The following PPARGC1A variants were observed in gnomAD, a reference collection of about 807,000 sequenced individuals.
The protein encoded by PPARGC1A is PPARG coactivator 1 alpha, also known as peroxisome proliferator-activated receptor gamma coactivator 1-alpha.
PPARGC1A carries 25 observed loss-of-function variants against 88.7 expected under a neutral mutation model. The ratio of observed to expected loss-of-function variants is 0.28; its 90% CI spans 0.21 to 0.39. The LOEUF (loss-of-function observed/expected upper bound fraction) is 0.39. PPARGC1A is among the 10% of genes least tolerant of loss of function. PPARGC1A has a pLI of 1.00. For synonymous variants in PPARGC1A, 363 were observed against 355.6 expected, an observed-to-expected ratio of 1.02 and a Z score of -0.24; for missense variants, 880 against 968.7, an observed-to-expected ratio of 0.91 and a Z score of 1.22.
chr4:23,940,173 A>T, the PPARGC1A span, among the ~76,000 whole-genome samples: 39 of 152,326 alleles, frequency 2.6e-4, no homozygotes, highest in Admixed American at 9.8e-4. Flanking sequence ...TTTATCAAAC[A>T]TGTATTAAGT....
chr4:24,072,758 A>G, the PPARGC1A span, among the ~76,000 whole-genome samples: 27 of 152,210 alleles, frequency 1.8e-4, no homozygotes, highest in Non-Finnish European at 4.4e-5. Context: ...ACAGAGCTTT[A>G]ATGGAAATAC....
chr4:23,925,915 T>C, the PPARGC1A span, among the ~76,000 whole-genome samples: 1 of 152,116 alleles, frequency 6.6e-6, no homozygotes, highest in East Asian at 1.9e-4. Flanking sequence ...ATTTCAAACT[T>C]ATAATGTTAC....
At chr4:24,175,538 CT>C in the PPARGC1A span, among the ~76,000 whole-genome samples, 635 of 84,872 alleles carry the variant, frequency 7.5e-3, 1 homozygote, top group South Asian at 0.023. Flanking sequence ...CCACACCAAG[CT>C]TTTTTTTTTT....
Position 23,831,666 on chromosome 4 carries a change from G to A in PPARGC1A, c.320C>T (p.Pro107Leu), listed in dbSNP as rs773848879. ...DSLPVDEDGL[P>L]SFDALTDGDV... Reference sequence around the variant, plus strand: ...TCCATCTGTCAGCGCATCAAATGAGGGCAATCCGTCTTCATCCACAGGGAG... The same window carrying A: ...TCCATCTGTCAGCGCATCAAATGAGAGCAATCCGTCTTCATCCACAGGGAG... The change falls in exon 3 of 13, where the codon CCC becomes CTC. Residue 107 changes from proline (P) to leucine (L), a missense_variant. Coordinates refer to ENST00000264867, the MANE Select transcript of PPARGC1A (RefSeq NM_013261.5). 1.2e-6 allele frequency: 2 copies of A among 1,613,946 alleles called. No individual in the cohort carries two copies. The highest frequency in any genetic ancestry group is 1.7e-5 in the Admixed American group (1 of 60,006).
chr4:23,903,681 T>C (rs551296467), upstream of PPARGC1A, among the ~76,000 whole-genome samples: 2 of 152,196 alleles, frequency 1.3e-5, no homozygotes, highest in East Asian at 3.9e-4. Context: ...TAAAAATCTT[T>C]AAAAATAAAA....
At chr4:24,191,666 A>G in the PPARGC1A span, among the ~76,000 whole-genome samples, 2 of 152,298 alleles carry the variant, frequency 1.3e-5, no homozygotes, top group South Asian at 4.1e-4. Flanking sequence ...AAAAAAAGAA[A>G]AAAAAGAAGG....
At chr4:24,133,432 C>A in the PPARGC1A span, among the ~76,000 whole-genome samples, 1 of 152,284 alleles carries the variant, frequency 6.6e-6, no homozygotes, top group South Asian at 2.1e-4. Flanking sequence ...CAGAAATAAA[C>A]GTTATTTGCA....
At chr4:24,105,684 G>T in the PPARGC1A span, among the ~76,000 whole-genome samples, 1 of 152,154 alleles carries the variant, frequency 6.6e-6, no homozygotes, top group Non-Finnish European at 1.5e-5. Flanking sequence ...CCTAAGAAAG[G>T]GTTGAGTGGT....
chr4:24,179,841 G>A, the PPARGC1A span, among the ~76,000 whole-genome samples: 1 of 152,138 alleles, frequency 6.6e-6, no homozygotes, highest in Non-Finnish European at 1.5e-5. Flanking sequence ...AGAAAAACAA[G>A]AATTATTTTA....
chr4:24,387,192 A>C, the PPARGC1A span, among the ~76,000 whole-genome samples: 1 of 152,242 alleles, frequency 6.6e-6, no homozygotes, highest in South Asian at 2.1e-4. Context: ...AGCCATATGC[A>C]GAAAACTGAA....
At chr4:24,468,502 T>C in the PPARGC1A span, among the ~76,000 whole-genome samples, 3 of 152,086 alleles carry the variant, frequency 2.0e-5, no homozygotes, top group Admixed American at 2.0e-4. Context: ...TGCAACATGG[T>C]CCTCTCAGAT....
the PPARGC1A span, among the ~76,000 whole-genome samples, chr4:24,421,379 C>T: frequency 6.7e-6 from 1 of 149,298 alleles, no homozygotes. Flanking sequence ...GGCGCGATTT[C>T]AGCTCACTGC....
the PPARGC1A span, among the ~76,000 whole-genome samples, chr4:24,020,072 T>A: frequency 6.6e-6 from 1 of 152,102 alleles, no homozygotes; most frequent in Admixed American, 6.5e-5. Context: ...AAAAATAAAA[T>A]CTCTGCAGGG....
the PPARGC1A span, among the ~76,000 whole-genome samples, chr4:24,199,745 A>G: frequency 6.6e-6 from 1 of 152,246 alleles, no homozygotes; most frequent in Non-Finnish European, 1.5e-5. Context: ...AGAAGCGGTC[A>G]TTCCCCTGCA....
the PPARGC1A span, among the ~76,000 whole-genome samples, chr4:24,278,322 C>CTA: frequency 4.1e-4 from 62 of 152,340 alleles, 3 homozygotes; most frequent in East Asian, 5.4e-3. Flanking sequence ...AGCACCCCAT[C>CTA]TATACCTTTA....
the PPARGC1A span, among the ~76,000 whole-genome samples, chr4:24,429,257 C>T: frequency 2.8e-3 from 419 of 152,278 alleles, 6 homozygotes; most frequent in African/African-American, 9.8e-3. Flanking sequence ...CTCTCTCTCT[C>T]TCCCTCTGTT....
At chr4:24,441,077 C>A in the PPARGC1A span, among the ~76,000 whole-genome samples, 1 of 152,132 alleles carries the variant, frequency 6.6e-6, no homozygotes, top group Non-Finnish European at 1.5e-5. Context: ...TTTGCAATAA[C>A]ATAAAAACTC....
chr4:24,019,661 G>A, the PPARGC1A span, among the ~76,000 whole-genome samples: 9 of 152,264 alleles, frequency 5.9e-5, no homozygotes, highest in Admixed American at 5.9e-4. Flanking sequence ...TTTAAACACT[G>A]CCTTTAAGTT....
At chr4:23,945,781 T>A in the PPARGC1A span, among the ~76,000 whole-genome samples, 1 of 152,126 alleles carries the variant, frequency 6.6e-6, no homozygotes, top group Non-Finnish European at 1.5e-5. Flanking sequence ...TCCTGATTAA[T>A]AAAGCCCTCA....
Sources: gnomAD v4.1 joint callset for allele counts (sites outside exome capture counted in the v4.1 genomes callset) on GRCh38, gnomAD v4.1.1 for gene constraint, MANE v1.5 for transcripts, NCBI Gene and HGNC (gene_info 2026-07-23, HGNC 2026-07-21) for gene names.